Variants in PPP1R1C observed in about 807,000 individuals in gnomAD.
PPP1R1C encodes protein phosphatase 1 regulatory subunit 1C.
PPP1R1C carries 15 observed loss-of-function variants against 17.4 expected under a neutral mutation model. That is an observed-to-expected ratio of 0.86 (90% CI 0.58 to 1.33). PPP1R1C has a LOEUF of 1.33. Ranked by LOEUF, PPP1R1C falls within the 40% of genes most tolerant of loss-of-function variation. PPP1R1C has a pLI of 0.00. For missense variants in PPP1R1C, 143 were observed against 130.0 expected, an observed-to-expected ratio of 1.10 and a Z score of -0.48; for synonymous variants, 35 against 43.1, an observed-to-expected ratio of 0.81 and a Z score of 0.73.
At chr2:182,046,108 C>CCTTA (rs1264335641) in intron 2 of PPP1R1C, among the ~76,000 whole-genome samples, 1 of 23,574 alleles carries the variant, frequency 4.2e-5, no homozygotes, top group African/African-American at 8.3e-5. Context: ...TTCCTTCCTT[C>CCTTA]CTTCCTTCCT....
chr2:182,108,227 GA>G (rs1383076931), intron 4 of PPP1R1C, among the ~76,000 whole-genome samples: 1 of 151,932 alleles, frequency 6.6e-6, no homozygotes, highest in Non-Finnish European at 1.5e-5. Context: ...AATAAAATAG[GA>G]AAAAATTCTA....
At chr2:182,021,386 G>A (rs937532920) in intron 2 of PPP1R1C, among the ~76,000 whole-genome samples, 1 of 139,702 alleles carries the variant, frequency 7.2e-6, no homozygotes, top group African/African-American at 2.7e-5. Flanking sequence ...GGAGTGCAGT[G>A]GCACGATCTC....
chr2:182,103,069 A>T (rs1689145619), intron 4 of PPP1R1C, among the ~76,000 whole-genome samples: 1 of 152,142 alleles, frequency 6.6e-6, no homozygotes, highest in Admixed American at 6.5e-5. Flanking sequence ...CTCCCAGATT[A>T]CTGGGATTAC....
Position 181,962,316 on chromosome 2 carries a change from G to A in PPP1R1C, n.111+7682G>A, listed in dbSNP as rs375011664. On this transcript the variant is annotated intron_variant and non_coding_transcript_variant, in intron 1 of 5. Transcript: ENST00000464264. The surrounding 1 kb of genome is among the most constrained non-coding windows in gnomAD (Gnocchi z 6.0). The stretch of plus-strand genomic sequence containing the variant: ...AGGTCCCCGGACCCCATGCCACCCC[G>A]GAAGCTGGTGGAGCGGGACACGGAT... The A allele has an allele frequency of 3.4e-4, 302 of 875,636 alleles. 4 individuals carry two copies. In the South Asian group the frequency reaches 4.0e-3, roughly 12 times the overall value. 54.2% of individuals were successfully genotyped at this position (875,636 alleles called of 1,614,324 possible). A position where few individuals can be genotyped will look rare whatever the true frequency, so the allele number is the denominator to read the frequency against.
intron 1 of PPP1R1C, among the ~76,000 whole-genome samples, chr2:181,969,307 CT>C (rs1400384470): frequency 5.3e-5 from 8 of 152,204 alleles, no homozygotes; most frequent in African/African-American, 1.4e-4. Context: ...AATCTTTCAG[CT>C]TTTGTTTGGG....
intron 4 of PPP1R1C, among the ~76,000 whole-genome samples, chr2:182,089,399 T>G (rs1465081831): frequency 2.6e-5 from 4 of 152,264 alleles, no homozygotes; most frequent in African/African-American, 9.6e-5. Context: ...CACAATCCAT[T>G]TGGTAACTAA....
At chr2:182,065,832 C>T (rs1040085792) in intron 4 of PPP1R1C, among the ~76,000 whole-genome samples, 4 of 152,142 alleles carry the variant, frequency 2.6e-5, no homozygotes, top group African/African-American at 9.6e-5. Flanking sequence ...CTAAATATTT[C>T]AAGATATCTA....
intron 4 of PPP1R1C, among the ~76,000 whole-genome samples, chr2:182,111,692 A>G (rs1689442822): frequency 6.6e-6 from 1 of 151,638 alleles, no homozygotes; most frequent in Admixed American, 6.6e-5. Flanking sequence ...TATATTATAG[A>G]CTAAATATTA....
rs141082537 is a variant in PPP1R1C, at chr2:182,057,119, G to A, written c.143-4323G>A. ...AGATGGTCTGGTTTTATGAAACATA[G>A]GCATTAAGATAAATTTATTTGACAG... On this transcript the variant is annotated intron_variant, in intron 2 of 4. Coordinates refer to ENST00000682840, the MANE Select transcript of PPP1R1C (RefSeq NM_001080545.3). Among the ~76,000 whole-genome samples, 84 of 152,280 alleles carry A rather than the reference G, an allele frequency of 5.5e-4. 1 individual carries two copies. In the East Asian group the frequency reaches 0.013, roughly 24 times the overall value.
At chr2:181,982,144 C>G (rs1685205139), upstream of PPP1R1C, among the ~76,000 whole-genome samples, 1 of 152,126 alleles carries the variant, frequency 6.6e-6, no homozygotes. Context: ...TCCTCTCTTC[C>G]CCTTTCTTTC....
At chr2:181,996,257 G>A (rs1685609321) in intron 2 of PPP1R1C, among the ~76,000 whole-genome samples, 1 of 152,162 alleles carries the variant, frequency 6.6e-6, no homozygotes, top group Admixed American at 6.5e-5. Context: ...CCTACCTGGA[G>A]CTCAGGAAGG....
chr2:182,017,695 CAAGAGA>C (rs901824257), intron 2 of PPP1R1C, among the ~76,000 whole-genome samples: 5 of 151,962 alleles, frequency 3.3e-5, no homozygotes, highest in African/African-American at 1.2e-4. Flanking sequence ...GTTTTGTCAG[CAAGAGA>C]AATAAATTAA....
chr2:181,967,759 A>T lies in PPP1R1C; in HGVS notation n.112-7460A>T, dbSNP rs1242226024. Among the ~76,000 whole-genome samples the T allele has an allele frequency of 1.3e-5, 2 of 149,558 alleles. No individual in the cohort carries two copies. The highest frequency in any genetic ancestry group is 5.0e-5 in the African/African-American group (2 of 40,386). ...AGATGGAGTTTCACTCTTGTTGCCC[A>T]GGCTGGAGTGCAATGGCACATTCTT... On this transcript the variant is annotated intron_variant and non_coding_transcript_variant, in intron 1 of 5. Coordinates refer to the PPP1R1C transcript ENST00000464264. This position sits in a 1 kb window ranked among gnomAD's most constrained non-coding sequence, Gnocchi z 5.5.
chr2:182,111,661 T>A (rs1236839498), intron 4 of PPP1R1C, among the ~76,000 whole-genome samples: 1 of 151,934 alleles, frequency 6.6e-6, no homozygotes, highest in Non-Finnish European at 1.5e-5. Flanking sequence ...GGTGGACCTT[T>A]ACTGAGGGGC....
chr2:182,103,107 C>T (rs182650873), intron 4 of PPP1R1C, among the ~76,000 whole-genome samples: 6 of 152,174 alleles, frequency 3.9e-5, no homozygotes, highest in South Asian at 4.1e-4. Flanking sequence ...CCGGCCAAGC[C>T]GTGATCTTAA....
intron 2 of PPP1R1C, among the ~76,000 whole-genome samples, chr2:182,031,329 G>C (rs1686829570): frequency 6.6e-6 from 1 of 152,232 alleles, no homozygotes; most frequent in Admixed American, 6.5e-5. Flanking sequence ...GTAATATTGA[G>C]TGGCTTTCTT....
At chr2:182,037,652 T>C (rs1278861488) in intron 2 of PPP1R1C, among the ~76,000 whole-genome samples, 5 of 151,968 alleles carry the variant, frequency 3.3e-5, no homozygotes, top group Non-Finnish European at 2.9e-5. Flanking sequence ...AAGCTATTGA[T>C]GGCAACCTAT....
chr2:181,969,676 T>C (rs577166441), intron 1 of PPP1R1C, among the ~76,000 whole-genome samples: 1 of 152,324 alleles, frequency 6.6e-6, no homozygotes, highest in African/African-American at 2.4e-5. Context: ...TTTTCTGTTA[T>C]TTCTTTGAAT....
Position 182,061,409 on chromosome 2 carries a change from A to G in PPP1R1C, c.143-33A>G, listed in dbSNP as rs533617390. 2.2e-5 allele frequency: 30 copies of G among 1,342,662 alleles called. No homozygotes were observed. In the South Asian group the frequency reaches 3.5e-4, roughly 16 times the overall value. 83.2% of individuals were successfully genotyped at this position (1,342,662 alleles called of 1,614,324 possible). The stretch of plus-strand genomic sequence containing the variant: ...TATATATTACAAGAAAGAATATTAC[A>G]TGCCTAATACATTCTACCTACTTCT... On this transcript the variant is annotated intron_variant, in intron 2 of 4. Transcript: ENST00000682840.
Sources: allele counts gnomAD v4.1 joint callset (sites outside exome capture counted in the v4.1 genomes callset), GRCh38; gene constraint gnomAD v4.1.1; non-coding constraint Gnocchi (gnomAD v3.1); transcripts MANE v1.5; gene names NCBI Gene and HGNC (gene_info 2026-07-23, HGNC 2026-07-21).